The following OR5F1 variants were observed in gnomAD, a reference collection of about 807,000 sequenced individuals.
OR5F1 encodes the protein olfactory receptor 5F1.
For synonymous variants in OR5F1, 185 were observed against 153.2 expected, an observed-to-expected ratio of 1.21 and a Z score of -1.53; for missense variants, 429 against 369.9, an observed-to-expected ratio of 1.16 and a Z score of -1.31.
At position 55,993,911 on chromosome 11, in the gene OR5F1, A is replaced by C. The variant is rs987137362; in HGVS notation, c.715T>G (p.Ser239Ala). 3 of 1,613,656 alleles carry C rather than the reference A, an allele frequency of 1.9e-6. No individual in the cohort carries two copies. Among genetic ancestry groups the C allele is most frequent in the Admixed American group, 1.7e-5 (1 of 59,918 alleles). ...GCTGTCAGGTGAGAGGCACACGTGG[A>C]GAAAGCTCTGTGCCTCCCCTCCCCC... ...HSGEGRHRAF[S>A]TCASHLTAII... is the part of the protein sequence containing the mutation. The change falls in exon 1 of 1, where the codon TCC (serine) becomes GCC (alanine). Residue 239 changes from serine to alanine, a missense_variant. Physicochemically the swap from Ser to Ala is moderately conservative, Grantham distance 99. Transcript: ENST00000278409.
rs1332813045 is a variant in OR5F1 at position 55,994,233 on chromosome 11, A to C, written c.393T>G (p.Leu131=). 5 of 1,613,830 alleles carry C rather than the reference A, an allele frequency of 3.1e-6. No homozygotes were observed. The highest frequency in any genetic ancestry group is 1.7e-5 in the Admixed American group (1 of 59,956). ...DRYAAICRPL[L]YSLIMSRTVY... ...CGGTCCTGGACATGATCAAGGAGTA[A>C]AGCAGCGGGCGACATATGGCCGCAT... Residue 131 remains leucine (L), a synonymous_variant, in exon 1 of 1, where the codon CTT becomes CTG. Coordinates refer to ENST00000278409, the MANE Select transcript of OR5F1 (RefSeq NM_003697.1).
rs1852992533 is a variant in OR5F1 at position 55,994,034 on chromosome 11, T to C, written c.592A>G (p.Ile198Val). ...TTCACACCAGCCAAAATAGAACTTA[T>C]GCTTTCTTTCAGGATTGTGTCAGAA... Reference protein sequence around the residue: ...SCSDTILKESISSILAGVNIV... With the variant: ...SCSDTILKESVSSILAGVNIV... Residue 198 changes from isoleucine to valine, a missense_variant, in exon 1 of 1, where the codon ATA (isoleucine) becomes GTA (valine). Transcript: ENST00000278409. 3 of 1,614,024 alleles carry C rather than the reference T, an allele frequency of 1.9e-6. No homozygotes were observed. Among genetic ancestry groups the C allele is most frequent in the Non-Finnish European group, 2.5e-6 (3 of 1,179,992 alleles).
At position 55,994,253 on chromosome 11, in the gene OR5F1, C is replaced by T. The variant is rs751091302; in HGVS notation, c.373G>A (p.Ala125Thr). The T allele has an allele frequency of 2.8e-5, 45 of 1,613,886 alleles. No individual in the cohort carries two copies. Among genetic ancestry groups the T allele is most frequent in the African/African-American group, 6.7e-5 (5 of 74,894 alleles). ...GAGTAAAGCAGCGGGCGACATATGG[C>T]CGCATACCTGTCATAGGCCATTAAC... ...FGLMAYDRYA[A>T]ICRPLLYSLI... The change falls in exon 1 of 1, where the codon GCC becomes ACC. Residue 125 changes from alanine (A) to threonine (T), a missense_variant. Ala to Thr is a moderately conservative substitution (Grantham distance 58). Transcript: ENST00000278409.
In OR5F1 at chr11:55,994,435, G is replaced by T; in HGVS notation, c.191C>A (p.Ala64Asp). The T allele has an allele frequency of 1.2e-6, 2 of 1,613,848 alleles. No homozygotes were observed. Among genetic ancestry groups the T allele is most frequent in the South Asian group, 2.2e-5 (2 of 91,076 alleles). Reference protein sequence around the residue: ...QLHTPMYFFLANLSFVDVCNS... With the variant: ...QLHTPMYFFLDNLSFVDVCNS... ...ACAAACGTCCACAAAGGACAGGTTAGCCAGGAAGAAATACATGGGTGTGTG... is the reference window on the plus strand; with the variant it reads ...ACAAACGTCCACAAAGGACAGGTTATCCAGGAAGAAATACATGGGTGTGTG... Residue 64 changes from alanine (A) to aspartate (D), a missense_variant, in exon 1 of 1, where the codon GCT (alanine) becomes GAT (aspartate). Coordinates refer to ENST00000278409, the MANE Select transcript of OR5F1 (RefSeq NM_003697.1).
In OR5F1 at chr11:55,994,448, A is replaced by G. The variant is rs767913690; in HGVS notation, c.178T>C (p.Tyr60His). Reference protein sequence around the residue: ...RIDSQLHTPMYFFLANLSFVD... With the variant: ...RIDSQLHTPMHFFLANLSFVD... ...AAGGACAGGTTAGCCAGGAAGAAATACATGGGTGTGTGAAGCTGGGAATCG... is the reference window on the plus strand; with the variant it reads ...AAGGACAGGTTAGCCAGGAAGAAATGCATGGGTGTGTGAAGCTGGGAATCG... Residue 60 changes from tyrosine to histidine, a missense_variant, in exon 1 of 1, where the codon TAT becomes CAT. By Grantham distance (83) the Tyr-to-His change is moderately conservative (BLOSUM62 2). Transcript: ENST00000278409. The G allele has an allele frequency of 6.2e-6, 10 of 1,613,838 alleles. No homozygotes were observed. The highest frequency in any genetic ancestry group is 1.7e-5 in the Admixed American group (1 of 59,958).
rs1480870454 is a variant in OR5F1 at position 55,994,102 on chromosome 11, T to C, written c.524A>G (p.His175Arg). Residue 175 changes from histidine (H) to arginine (R), a missense_variant, in exon 1 of 1, where the codon CAT becomes CGT. By Grantham distance (29) the His-to-Arg change is conservative (BLOSUM62 0). Transcript: ENST00000278409. ...SLSFCDSNVI[H>R]HFFCDSPPLF... is the part of the protein sequence containing the mutation. ...TGGGGGACTGTCACAGAAGAAGTGA[T>C]GGATGACATTGGAGTCACAGAATGA... 5 of 1,613,910 alleles carry C rather than the reference T, an allele frequency of 3.1e-6. No homozygotes were observed. The highest frequency in any genetic ancestry group is 4.2e-6 in the Non-Finnish European group (5 of 1,179,998).
At position 55,993,762 on chromosome 11, in the gene OR5F1, C is replaced by A. The variant is rs757434417; in HGVS notation, c.864G>T (p.Leu288=). 7 of 1,611,762 alleles carry A rather than the reference C, an allele frequency of 4.3e-6. No homozygotes were observed. The highest frequency in any genetic ancestry group is 2.2e-5 in the South Asian group (2 of 90,958). Residue 288 remains leucine (L), a synonymous_variant, in exon 1 of 1, where the codon CTG becomes CTT. Coordinates refer to ENST00000278409, the MANE Select transcript of OR5F1 (RefSeq NM_003697.1). The stretch of plus-strand genomic sequence containing the variant: ...CTTCCTTACTCCTGAGGCTGTAGAT[C>A]AGAGGATTCAACATGGGAATCACCA... ...YTVVIPMLNP[L]IYSLRSKEVK...
Position 55,994,286 on chromosome 11 carries a change from G to T in OR5F1, c.340C>A (p.Leu114Ile). 6.2e-7 allele frequency: 1 copy of T among 1,613,812 alleles called. No individual in the cohort carries two copies. Among genetic ancestry groups the T allele is most frequent in the Non-Finnish European group, 8.5e-7 (1 of 1,179,854 alleles). Residue 114 changes from leucine to isoleucine, a missense_variant, in exon 1 of 1, where the codon CTC becomes ATC. Transcript: ENST00000278409. ...CTGTCATAGGCCATTAACCCAAAGA[G>T]GATGCATTCGGTTGTCGCCAGGGAG... ...FISLATTECI[L>I]FGLMAYDRYA...
Position 55,994,611 on chromosome 11 carries a change from A to G in OR5F1, c.15T>C (p.Asn5=). 2 of 1,510,214 alleles carry G rather than the reference A, an allele frequency of 1.3e-6. No homozygotes were observed. Among genetic ancestry groups the G allele is most frequent in the Non-Finnish European group, 1.8e-6 (2 of 1,125,050 alleles). 93.6% of individuals were successfully genotyped at this position (1,510,214 alleles called of 1,614,324 possible). Residue 5 remains asparagine, a synonymous_variant, in exon 1 of 1, where the codon AAT becomes AAC. Transcript: ENST00000278409. ...GGACGAACTCAGTCAGTGAGGTATA[A>G]TTTTTTCTGGTCATTTATGAGAAAT... MTRK[N]YTSLTEFVLL...
Position 55,993,748 on chromosome 11 carries a change from C to T in OR5F1, c.878G>A (p.Arg293Lys), listed in dbSNP as rs1237219695. The stretch of plus-strand genomic sequence containing the variant: ...TAAAGCCTTCTTTACTTCCTTACTC[C>T]TGAGGCTGTAGATCAGAGGATTCAA... ...PMLNPLIYSL[R>K]SKEVKKALAN... Residue 293 changes from arginine (R) to lysine (K), a missense_variant, in exon 1 of 1, where the codon AGG becomes AAG. Coordinates refer to ENST00000278409, the MANE Select transcript of OR5F1 (RefSeq NM_003697.1). 1 of 1,610,140 alleles carries T rather than the reference C, an allele frequency of 6.2e-7. No homozygotes were observed. Among genetic ancestry groups the T allele is most frequent in the African/African-American group, 1.3e-5 (1 of 74,742 alleles).
In OR5F1 at chr11:55,994,080, G is replaced by A. The variant is rs1186831685; in HGVS notation, c.546C>T (p.Pro182=). ...NVIHHFFCDS[P]PLFKLSCSDT... is the part of the protein sequence containing the mutation. ...CAGAACAAGAGAGCTTGAAAAGTGG[G>A]GGACTGTCACAGAAGAAGTGATGGA... Residue 182 remains proline (P), a synonymous_variant, in exon 1 of 1, where the codon CCC becomes CCT. Transcript: ENST00000278409. 60 of 1,613,964 alleles carry A rather than the reference G, an allele frequency of 3.7e-5. No homozygotes were observed. Among genetic ancestry groups the A allele is most frequent in the Non-Finnish European group, 4.8e-5 (57 of 1,179,976 alleles).
rs371962080 is a variant in OR5F1 at position 55,993,879 on chromosome 11, A to T, written c.747T>A (p.Ile249=). 3 of 1,613,432 alleles carry T rather than the reference A, an allele frequency of 1.9e-6. No homozygotes were observed. The highest frequency in any genetic ancestry group is 2.5e-6 in the Non-Finnish European group (3 of 1,179,650). ...STCASHLTAI[I]LFYATCIYTY... ...TATAGATGCAGGTGGCATAGAACAG[A>T]ATTATGGCTGTCAGGTGAGAGGCAC... is the stretch of plus-strand genomic sequence containing the variant. The change falls in exon 1 of 1, where the codon ATT becomes ATA. Residue 249 remains isoleucine, a synonymous_variant. Transcript: ENST00000278409.
At position 55,994,143 on chromosome 11, in the gene OR5F1, G is replaced by T; in HGVS notation, c.483C>A (p.Ser161Arg). 1 of 1,613,980 alleles carries T rather than the reference G, an allele frequency of 6.2e-7. No individual in the cohort carries two copies. The highest frequency in any genetic ancestry group is 8.5e-7 in the Non-Finnish European group (1 of 1,179,978). The stretch of plus-strand genomic sequence containing the variant: ...CACAGAATGACAAGCTGCTGACATG[G>T]CTTGTGTTGACCATGAAGTTCAGCA... ...AGLLNFMVNT[S>R]HVSSLSFCDS... Residue 161 changes from serine (S) to arginine (R), a missense_variant, in exon 1 of 1, where the codon AGC becomes AGA. Physicochemically the swap from Ser to Arg is moderately radical, Grantham distance 110. Coordinates refer to ENST00000278409, the MANE Select transcript of OR5F1 (RefSeq NM_003697.1).
Position 55,993,894 on chromosome 11 carries a change from G to A in OR5F1, c.732C>T (p.His244=). ...CATAGAACAGAATTATGGCTGTCAG[G>A]TGAGAGGCACACGTGGAGAAAGCTC... is the stretch of plus-strand genomic sequence containing the variant. The part of the protein sequence containing the change: ...RHRAFSTCAS[H]LTAIILFYAT... Residue 244 remains histidine (H), a synonymous_variant, in exon 1 of 1, where the codon CAC becomes CAT. Transcript: ENST00000278409. The A allele has an allele frequency of 6.2e-7, 1 of 1,613,854 alleles. No individual in the cohort carries two copies. The highest frequency in any genetic ancestry group is 8.5e-7 in the Non-Finnish European group (1 of 1,179,952).
In OR5F1 at chr11:55,993,810, T is replaced by G; in HGVS notation, c.816A>C (p.Lys272Asn). The change falls in exon 1 of 1, where the codon AAA becomes AAC. Residue 272 changes from lysine (K) to asparagine (N), a missense_variant. Lys to Asn is a moderately conservative substitution (Grantham distance 94). Coordinates refer to ENST00000278409, the MANE Select transcript of OR5F1 (RefSeq NM_003697.1). ...CCACTGTGTAGAACACAGAAGCCAC[T>G]TTGTCCTGATTCAGGGAGTAGCTGG... ...PSSSYSLNQD[K>N]VASVFYTVVI... The G allele has an allele frequency of 6.2e-7, 1 of 1,613,630 alleles. No homozygotes were observed. Among genetic ancestry groups the G allele is most frequent in the Non-Finnish European group, 8.5e-7 (1 of 1,179,762 alleles).
rs766981883 is a variant in OR5F1, at chr11:55,994,384, A to C, written c.242T>G (p.Met81Arg). The C allele has an allele frequency of 6.2e-7, 1 of 1,613,944 alleles. No individual in the cohort carries two copies. The highest frequency in any genetic ancestry group is 8.5e-7 in the Non-Finnish European group (1 of 1,179,960). The change falls in exon 1 of 1, where the codon ATG becomes AGG. Residue 81 changes from methionine to arginine, a missense_variant. Physicochemically the swap from Met to Arg is moderately conservative, Grantham distance 91 (BLOSUM62 -1). Coordinates refer to ENST00000278409, the MANE Select transcript of OR5F1 (RefSeq NM_003697.1). ...CTTCTCTGATAATAAATCTGCCAGC[A>C]TCTTTGGGGTGATGGTAGTTGAGTT... ...VCNSTTITPK[M>R]LADLLSEKKT...
rs1363289725 is a variant in OR5F1, at chr11:55,993,712, A to T, written c.914T>A (p.Ile305Asn). ...AAAGGAAGAGGTCCTTTTCCTGCTA[A>T]TTACATTCGCTAAAGCCTTCTTTAC... ...KEVKKALANV[I>N]SRKRTSSFL Residue 305 changes from isoleucine (I) to asparagine (N), a missense_variant, in exon 1 of 1, where the codon ATT becomes AAT. Ile to Asn is a moderately radical substitution (Grantham distance 149). Coordinates refer to ENST00000278409, the MANE Select transcript of OR5F1 (RefSeq NM_003697.1). 5.0e-6 allele frequency: 8 copies of T among 1,590,816 alleles called. No individual in the cohort carries two copies. The highest frequency in any genetic ancestry group is 1.7e-4 in the Middle Eastern group (1 of 5,896).
Position 55,993,866 on chromosome 11 carries a change from T to C in OR5F1, c.760A>G (p.Thr254Ala). The change falls in exon 1 of 1, where the codon ACC becomes GCC. Residue 254 changes from threonine to alanine, a missense_variant. Thr to Ala is a moderately conservative substitution (Grantham distance 58). Coordinates refer to ENST00000278409, the MANE Select transcript of OR5F1 (RefSeq NM_003697.1). ...GGTCTCAGGTAAGTATAGATGCAGGTGGCATAGAACAGAATTATGGCTGTC... is the reference window on the plus strand; with the variant it reads ...GGTCTCAGGTAAGTATAGATGCAGGCGGCATAGAACAGAATTATGGCTGTC... ...HLTAIILFYA[T>A]CIYTYLRPSS... is the part of the protein sequence containing the mutation. 6.2e-7 allele frequency: 1 copy of C among 1,613,802 alleles called. No individual in the cohort carries two copies. The highest frequency in any genetic ancestry group is 8.5e-7 in the Non-Finnish European group (1 of 1,179,952).
At position 55,994,321 on chromosome 11, in the gene OR5F1, T is replaced by G. The variant is rs202058033; in HGVS notation, c.305A>C (p.Tyr102Ser). ...GGTTGTCGCCAGGGAGATAAAGAAGTACATCTGTAGGAAGCAGCCAGCAAA... is the reference window on the plus strand; with the variant it reads ...GGTTGTCGCCAGGGAGATAAAGAAGGACATCTGTAGGAAGCAGCCAGCAAA... ...ISFAGCFLQM[Y>S]FFISLATTEC... The change falls in exon 1 of 1, where the codon TAC becomes TCC. Residue 102 changes from tyrosine to serine, a missense_variant. Transcript: ENST00000278409. The G allele has an allele frequency of 1.2e-6, 2 of 1,613,898 alleles. No homozygotes were observed. The highest frequency in any genetic ancestry group is 8.5e-7 in the Non-Finnish European group (1 of 1,179,956).
Sources: allele counts gnomAD v4.1 joint callset, GRCh38; gene constraint gnomAD v4.1.1; transcripts MANE v1.5; gene names NCBI Gene and HGNC (gene_info 2026-07-23, HGNC 2026-07-21).